RORA: variants seen among roughly 807,000 people sequenced by gnomAD.
RORA encodes the protein RAR related orphan receptor A.
RORA carries 7 observed loss-of-function variants against 69.5 expected under a neutral mutation model. The ratio of observed to expected loss-of-function variants is 0.10; its 90% confidence interval spans 0.06 to 0.19. The LOEUF (loss-of-function observed/expected upper bound fraction) is 0.19, where lower values mean the gene tolerates loss of function less well. Ranked by LOEUF, RORA falls within the 10% of genes least tolerant of loss-of-function variation. RORA has a pLI of 1.00. For synonymous variants in RORA, 261 were observed against 240.8 expected, an observed-to-expected ratio of 1.08 and a Z score of -0.78; for missense variants, 457 against 663.0, an observed-to-expected ratio of 0.69 and a Z score of 3.41.
At chr15:60,785,474 T>C (rs1266443420) in intron 1 of RORA, among the ~76,000 whole-genome samples, 1 of 152,242 alleles carries the variant, frequency 6.6e-6, no homozygotes, top group Non-Finnish European at 1.5e-5. Context: ...GAGTTGTAAC[T>C]GCCAGGACAA....
intron 1 of RORA, among the ~76,000 whole-genome samples, chr15:60,693,021 C>T (rs1191125252): frequency 6.6e-6 from 1 of 152,180 alleles, no homozygotes; most frequent in Admixed American, 6.5e-5. Context: ...AGGCCAATAT[C>T]CCTGATGAAC....
At chr15:60,635,078 C>T (rs1218641048) in intron 2 of RORA, among the ~76,000 whole-genome samples, 1 of 152,196 alleles carries the variant, frequency 6.6e-6, no homozygotes, top group East Asian at 1.9e-4. Context: ...CTCTGCTTCC[C>T]TTTAATGGTT....
At chr15:61,224,599 T>C (rs1015926862) in intron 1 of RORA, among the ~76,000 whole-genome samples, 6 of 152,090 alleles carry the variant, frequency 3.9e-5, no homozygotes, top group Admixed American at 3.9e-4. Context: ...AACACAAAAA[T>C]GGGAGAAGGT....
At chr15:60,862,828 G>A (rs771966670) in intron 1 of RORA, among the ~76,000 whole-genome samples, 4 of 152,188 alleles carry the variant, frequency 2.6e-5, no homozygotes, top group African/African-American at 9.6e-5. Context: ...ATCTATTTGT[G>A]TAACTGTTCA....
At chr15:60,804,100 C>T (rs2072624428) in intron 1 of RORA, among the ~76,000 whole-genome samples, 1 of 151,886 alleles carries the variant, frequency 6.6e-6, no homozygotes, top group South Asian at 2.1e-4. Context: ...ACCAGCCTGA[C>T]CAATATGGAG....
intron 1 of RORA, among the ~76,000 whole-genome samples, chr15:60,924,655 C>T (rs565544520): frequency 2.6e-5 from 4 of 152,224 alleles, no homozygotes; most frequent in African/African-American, 7.2e-5. Context: ...AAAATTAAGT[C>T]GTGAAGCACT....
chr15:60,916,505 G>C (rs1435068210), intron 1 of RORA, among the ~76,000 whole-genome samples: 2 of 152,158 alleles, frequency 1.3e-5, no homozygotes, highest in Admixed American at 6.5e-5. Context: ...TCAGTCCCTA[G>C]CTCCCTTTGC....
chr15:60,792,424 G>A (rs2072430923), intron 1 of RORA, among the ~76,000 whole-genome samples: 2 of 152,086 alleles, frequency 1.3e-5, no homozygotes, highest in Admixed American at 6.5e-5. Flanking sequence ...TAACAAGTAT[G>A]GTTAAAGACA....
chr15:60,550,445 T>C (rs2067199594), intron 2 of RORA, among the ~76,000 whole-genome samples: 1 of 152,218 alleles, frequency 6.6e-6, no homozygotes, highest in Non-Finnish European at 1.5e-5. Flanking sequence ...AATTTATGCG[T>C]CAATAGTTTC....
intron 1 of RORA, among the ~76,000 whole-genome samples, chr15:61,031,687 AAG>A (rs1161528045): frequency 2.6e-5 from 4 of 152,188 alleles, no homozygotes; most frequent in Admixed American, 2.6e-4. Context: ...CCACACCAAA[AAG>A]AGAGGAACTC....
chr15:61,224,775 T>C (rs1045863256), intron 1 of RORA, among the ~76,000 whole-genome samples: 1 of 152,320 alleles, frequency 6.6e-6, no homozygotes, highest in African/African-American at 2.4e-5. Flanking sequence ...TCTATTACAA[T>C]TAACATTCTC....
chr15:60,890,279 G>A (rs934605312), intron 1 of RORA, among the ~76,000 whole-genome samples: 2 of 152,306 alleles, frequency 1.3e-5, no homozygotes, highest in Admixed American at 6.5e-5. Context: ...AATAGTGGAG[G>A]TGGGCCTGGA....
chr15:61,090,605 T>G, intron 1 of RORA, among the ~76,000 whole-genome samples: 1 of 152,212 alleles, frequency 6.6e-6, no homozygotes, highest in East Asian at 1.9e-4. Flanking sequence ...GGTTATGTAA[T>G]TTTTGTTGAG....
At chr15:60,690,724 G>T (rs2070811067) in intron 1 of RORA, among the ~76,000 whole-genome samples, 1 of 152,208 alleles carries the variant, frequency 6.6e-6, no homozygotes, top group Admixed American at 6.5e-5. Flanking sequence ...GACTCAGAGG[G>T]ATTAGGCAAC....
At chr15:60,587,716 A>G (rs1483369603) in intron 2 of RORA, among the ~76,000 whole-genome samples, 1 of 152,234 alleles carries the variant, frequency 6.6e-6, no homozygotes, top group African/African-American at 2.4e-5. Flanking sequence ...AAATAACTGG[A>G]AAACCTAGGG....
At chr15:60,578,929 A>G (rs1006033872) in intron 2 of RORA, among the ~76,000 whole-genome samples, 9 of 151,808 alleles carry the variant, frequency 5.9e-5, no homozygotes, top group Admixed American at 3.3e-4. Context: ...ATGCCCAGCT[A>G]ATTTTTTGTA....
intron 1 of RORA, among the ~76,000 whole-genome samples, chr15:60,708,182 T>G (rs2071091378): frequency 6.6e-6 from 1 of 152,080 alleles, no homozygotes; most frequent in Non-Finnish European, 1.5e-5. Flanking sequence ...ATAGCCCAAC[T>G]AGGACTCTCC....
intron 8 of RORA, among the ~76,000 whole-genome samples, chr15:60,501,828 A>G (rs1048245523): frequency 9.2e-5 from 14 of 152,254 alleles, no homozygotes; most frequent in Non-Finnish European, 1.9e-4. Context: ...TATTTTACAT[A>G]TAAATGTATA....
chr15:61,015,725 T>G (rs1895259093), intron 1 of RORA, among the ~76,000 whole-genome samples: 1 of 152,212 alleles, frequency 6.6e-6, no homozygotes, highest in South Asian at 2.1e-4. Context: ...TTTTTAAAAA[T>G]CAGCTGCATA....
Sources: gnomAD v4.1 joint callset for allele counts (sites outside exome capture counted in the v4.1 genomes callset) on GRCh38, gnomAD v4.1.1 for gene constraint, MANE v1.5 for transcripts, NCBI Gene and HGNC (gene_info 2026-07-23, HGNC 2026-07-21) for gene names.